Variants in RBFOX1 observed in about 807,000 individuals in gnomAD.
RBFOX1 encodes the protein RNA binding protein fox-1 homolog 1.
Under a neutral mutation model 57.7 loss-of-function variants are expected in RBFOX1, and 8 were observed. The observed-to-expected ratio is 0.14, with a 90% CI of 0.08 to 0.25. RBFOX1 has a LOEUF of 0.25. Among genes scored for constraint, RBFOX1 ranks in the 10% least tolerant of loss-of-function variants. The probability of loss-of-function intolerance (pLI) is 1.00; values close to 1 mark genes in which losing one functional copy is unlikely to be tolerated. For missense variants in RBFOX1, 611 were observed against 548.5 expected (o/e 1.11, Z -1.14); for synonymous variants, 326 against 222.4 (o/e 1.47, Z -4.15).
At chr16:7,218,629 T>TCTGTGTGTGTGC (rs59243053) in intron 4 of RBFOX1, among the ~76,000 whole-genome samples, 6 of 9,412 alleles carry the variant, frequency 6.4e-4, no homozygotes, top group African/African-American at 1.5e-3. Context: ...GGGGGTTTGC[T>TCTGTGTGTGTGC]GTGTGTGTGT....
At chr16:6,551,130 AG>A (rs561302095) in intron 2 of RBFOX1, among the ~76,000 whole-genome samples, 174 of 152,286 alleles carry the variant, frequency 1.1e-3, no homozygotes, top group African/African-American at 4.1e-3. Context: ...CAACTCTCTG[AG>A]ATTAACACAA....
intron 1 of RBFOX1, among the ~76,000 whole-genome samples, chr16:6,133,791 G>C (rs746349049): frequency 2.9e-4 from 44 of 152,034 alleles, no homozygotes; most frequent in Non-Finnish European, 8.8e-5. Context: ...CAGGGTCTTT[G>C]CCTGTGCTGT....
At position 6,422,837 on chromosome 16, in the gene RBFOX1, C is replaced by T. The variant is rs534806969; in HGVS notation, c.-64+105780C>T. On this transcript the variant is annotated intron_variant, in intron 2 of 15. Transcript: ENST00000550418. ...TCCAACATTGGAGACCACAATTTGA[C>T]ATGAGATTTGGCAAGGACAGAGATC... Among the ~76,000 whole-genome samples, 4 of 152,274 alleles carry T rather than the reference C, an allele frequency of 2.6e-5. No individual in the cohort carries two copies. The South Asian group carries it at 8.3e-4, about 32-fold the overall frequency.
intron 4 of RBFOX1, among the ~76,000 whole-genome samples, chr16:7,285,894 G>T (rs1222504605): frequency 6.6e-6 from 1 of 152,138 alleles, no homozygotes; most frequent in Non-Finnish European, 1.5e-5. Context: ...CTGAGATAAG[G>T]GCTCAAGAAA....
In RBFOX1 at chr16:5,426,017, G is replaced by A. The variant is rs548711769; in HGVS notation, c.220-41199G>A. On this transcript the variant is annotated intron_variant, in intron 1 of 2. Coordinates refer to the RBFOX1 transcript ENST00000585867. ...GGAAGTCTGGAGTGGAAGTGCTGCT[G>A]GTGGAAGGCATGGAAACGGAACCCA... Among the ~76,000 whole-genome samples, 8 of 152,280 alleles carry A rather than the reference G, an allele frequency of 5.3e-5. 1 individual carries two copies. In the South Asian group the frequency reaches 1.0e-3, roughly 20 times the overall value.
chr16:6,835,193 G>A (rs2093001330), intron 3 of RBFOX1, among the ~76,000 whole-genome samples: 1 of 151,922 alleles, frequency 6.6e-6, no homozygotes. Context: ...GAGCCACCAC[G>A]CCCGACCGGC....
chr16:6,120,338 C>G (rs142275056), intron 1 of RBFOX1, among the ~76,000 whole-genome samples: 2 of 152,206 alleles, frequency 1.3e-5, no homozygotes, highest in African/African-American at 4.8e-5. Flanking sequence ...GTTCAACTTA[C>G]TGAGGCATCA....
chr16:5,773,994 C>A (rs576613956), intron 3 of RBFOX1, among the ~76,000 whole-genome samples: 3 of 152,118 alleles, frequency 2.0e-5, no homozygotes, highest in Non-Finnish European at 4.4e-5. Context: ...GCTTGGCCTG[C>A]ATTTTTTCTC....
chr16:5,995,003 G>C (rs1011711880), intron 4 of RBFOX1, among the ~76,000 whole-genome samples: 1 of 152,184 alleles, frequency 6.6e-6, no homozygotes, highest in Admixed American at 6.5e-5. Context: ...TGAGACAGGA[G>C]GAAAGGTTGG....
Position 7,498,838 on chromosome 16 carries a change from C to T in RBFOX1, c.28-19309C>T, listed in dbSNP as rs112356628. 4.8e-3 allele frequency among the ~76,000 whole-genome samples: 730 copies of T among 152,272 alleles called. 7 individuals are homozygous for T. Among genetic ancestry groups the T allele is most frequent in the African/African-American group, 0.016 (683 of 41,550 alleles). ...GACTAGGATTACAATATCTGCTTCA[C>T]AGAGAGCAAATGAGATCGCATGAAA... On this transcript the variant is annotated intron_variant, in intron 4 of 15. Coordinates refer to ENST00000550418, the MANE Select transcript of RBFOX1 (RefSeq NM_018723.4).
intron 3 of RBFOX1, among the ~76,000 whole-genome samples, chr16:6,876,386 A>G (rs139117795): frequency 2.2e-4 from 33 of 151,720 alleles, no homozygotes; most frequent in Non-Finnish European, 4.3e-4. Context: ...AACCCCTGAA[A>G]TGAGCCTATG....
chr16:7,232,502 C>T (rs1206659209), intron 4 of RBFOX1, among the ~76,000 whole-genome samples: 1 of 152,056 alleles, frequency 6.6e-6, no homozygotes, highest in Non-Finnish European at 1.5e-5. Context: ...ACACATATGC[C>T]CACTTGTACC....
chr16:5,798,497 A>T (rs1340153696), intron 3 of RBFOX1, among the ~76,000 whole-genome samples: 3 of 152,168 alleles, frequency 2.0e-5, no homozygotes, highest in African/African-American at 7.2e-5. Context: ...AAGGACATGC[A>T]GACTTGAAAC....
intron 3 of RBFOX1, among the ~76,000 whole-genome samples, chr16:5,638,904 A>G (rs970775390): frequency 1.3e-5 from 2 of 152,160 alleles, no homozygotes; most frequent in African/African-American, 4.8e-5. Context: ...ACTCCTGTGT[A>G]TCCTGTGAAA....
intron 4 of RBFOX1, among the ~76,000 whole-genome samples, chr16:7,297,328 C>G (rs1267827403): frequency 1.3e-5 from 2 of 152,196 alleles, no homozygotes; most frequent in Non-Finnish European, 2.9e-5. Context: ...AGTTGCATCC[C>G]TTCTCTTCTC....
intron 3 of RBFOX1, among the ~76,000 whole-genome samples, chr16:6,915,815 G>A (rs570004766): frequency 6.6e-6 from 1 of 152,098 alleles, no homozygotes; most frequent in Admixed American, 6.5e-5. Flanking sequence ...GCCTCGCAAA[G>A]TCCTGTAATT....
intron 3 of RBFOX1, among the ~76,000 whole-genome samples, chr16:5,617,700 C>G (rs1057045547): frequency 2.0e-5 from 3 of 152,136 alleles, no homozygotes; most frequent in Non-Finnish European, 2.9e-5. Flanking sequence ...AGTGTTTTTT[C>G]TGTCTTGTCT....
intron 1 of RBFOX1, among the ~76,000 whole-genome samples, chr16:6,025,797 A>C (rs2095180562): frequency 6.6e-6 from 1 of 152,150 alleles, no homozygotes; most frequent in African/African-American, 2.4e-5. Flanking sequence ...GTTGAGGTGC[A>C]ATTTGTTGGA....
At chr16:7,698,402 A>G (rs182459860) in intron 14 of RBFOX1, among the ~76,000 whole-genome samples, 2 of 151,810 alleles carry the variant, frequency 1.3e-5, no homozygotes, top group African/African-American at 4.8e-5. Flanking sequence ...GCAAATGAAC[A>G]ATCTGCAAAA....
Sources: gnomAD v4.1 joint callset for allele counts (sites outside exome capture counted in the v4.1 genomes callset) on GRCh38, gnomAD v4.1.1 for gene constraint, MANE v1.5 for transcripts, NCBI Gene and HGNC (gene_info 2026-07-23, HGNC 2026-07-21) for gene names.